CNTN5: variants seen among roughly 807,000 people sequenced by gnomAD.
CNTN5 encodes the protein contactin-5.
CNTN5 carries 77 observed loss-of-function variants against 129.1 expected under a neutral mutation model. That is an observed-to-expected ratio of 0.60 (90% confidence interval 0.50 to 0.72). CNTN5 has a LOEUF of 0.72. Among genes scored for constraint, CNTN5 ranks in the 30% least tolerant of loss-of-function variants. CNTN5 has a pLI of 0.00. For missense variants in CNTN5, 1,478 were observed against 1,328.8 expected (o/e 1.11, Z -1.75); for synonymous variants, 509 against 465.6 (o/e 1.09, Z -1.20).
chr11:99,432,744 T>A (rs150458681), intron 2 of CNTN5, among the ~76,000 whole-genome samples: 33 of 151,948 alleles, frequency 2.2e-4, no homozygotes, highest in African/African-American at 8.0e-4. Flanking sequence ...GAGAGATGTG[T>A]CTGTAAAATT....
chr11:99,978,761 G>T (rs1048954253), intron 8 of CNTN5, among the ~76,000 whole-genome samples: 1 of 152,154 alleles, frequency 6.6e-6, no homozygotes, highest in African/African-American at 2.4e-5. Context: ...TCATCACTAA[G>T]TGACGCATGA....
chr11:99,452,747 A>T (rs1409181294), intron 2 of CNTN5, among the ~76,000 whole-genome samples: 1 of 152,134 alleles, frequency 6.6e-6, no homozygotes, highest in Non-Finnish European at 1.5e-5. Context: ...CTATGTACGA[A>T]TAAGTCATTT....
chr11:99,713,241 G>C (rs1162324779), intron 3 of CNTN5, among the ~76,000 whole-genome samples: 1 of 151,962 alleles, frequency 6.6e-6, no homozygotes, highest in Non-Finnish European at 1.5e-5. Flanking sequence ...TATTATCTTT[G>C]TAGCAATTGT....
intron 2 of CNTN5, among the ~76,000 whole-genome samples, chr11:99,498,660 C>G (rs1366171456): frequency 3.9e-5 from 6 of 152,112 alleles, no homozygotes; most frequent in African/African-American, 1.4e-4. Context: ...TCTGTGGAAG[C>G]CAACCATTAT....
At chr11:99,283,367 G>A (rs1205133019) in intron 1 of CNTN5, among the ~76,000 whole-genome samples, 5 of 151,966 alleles carry the variant, frequency 3.3e-5, no homozygotes, top group Admixed American at 1.3e-4. Flanking sequence ...CGTCAGTGTT[G>A]TTTCTCTCTG....
At chr11:99,085,784 T>C (rs1865980864) in intron 1 of CNTN5, among the ~76,000 whole-genome samples, 1 of 152,196 alleles carries the variant, frequency 6.6e-6, no homozygotes, top group South Asian at 2.1e-4. Context: ...ATGGGCCTCA[T>C]ACATATAGGA....
At chr11:99,166,806 A>G (rs765218397) in intron 1 of CNTN5, among the ~76,000 whole-genome samples, 22 of 148,358 alleles carry the variant, frequency 1.5e-4, no homozygotes, top group Non-Finnish European at 2.7e-4. Context: ...GGTCATGGTG[A>G]CCCGTAAGCC....
At chr11:99,117,709 C>A (rs1858108782) in intron 1 of CNTN5, among the ~76,000 whole-genome samples, 1 of 152,082 alleles carries the variant, frequency 6.6e-6, no homozygotes, top group Admixed American at 6.6e-5. Context: ...GTAGGGCTCC[C>A]ATGATGGGAG....
intron 2 of CNTN5, among the ~76,000 whole-genome samples, chr11:99,521,595 T>A (rs965981340): frequency 1.3e-5 from 2 of 152,192 alleles, no homozygotes; most frequent in Non-Finnish European, 2.9e-5. Flanking sequence ...AAGGACACTT[T>A]GTAAATAAAG....
chr11:100,169,825 A>C (rs904065786), intron 13 of CNTN5, among the ~76,000 whole-genome samples: 3 of 151,958 alleles, frequency 2.0e-5, no homozygotes, highest in African/African-American at 7.2e-5. Flanking sequence ...CATTAATACA[A>C]ATGTCTATGC....
chr11:100,351,188 A>G (rs951473708), intron 24 of CNTN5, among the ~76,000 whole-genome samples: 14 of 151,554 alleles, frequency 9.2e-5, no homozygotes, highest in Admixed American at 8.6e-4. Flanking sequence ...CTGATATTAC[A>G]CTGGTTTTGA....
chr11:99,159,398 G>A (rs1591291919), intron 1 of CNTN5, among the ~76,000 whole-genome samples: 1 of 152,152 alleles, frequency 6.6e-6, no homozygotes, highest in East Asian at 1.9e-4. Flanking sequence ...TGAGGCGGAA[G>A]GATCACGAGG....
intron 21 of CNTN5, among the ~76,000 whole-genome samples, chr11:100,316,298 G>A (rs1951570963): frequency 6.6e-6 from 1 of 152,094 alleles, no homozygotes; most frequent in South Asian, 2.1e-4. Flanking sequence ...CACTCATCAA[G>A]CATTTATTCA....
intron 1 of CNTN5, among the ~76,000 whole-genome samples, chr11:99,268,838 T>C (rs996379940): frequency 2.0e-5 from 3 of 151,974 alleles, no homozygotes; most frequent in Non-Finnish European, 4.4e-5. Context: ...AGAAAGGCCA[T>C]GGTATTTAGA....
At chr11:100,329,462 T>C (rs573930446) in intron 21 of CNTN5, among the ~76,000 whole-genome samples, 1 of 152,336 alleles carries the variant, frequency 6.6e-6, no homozygotes, top group Non-Finnish European at 1.5e-5. Context: ...ATCCTCCCTA[T>C]AGGACTGCAG....
At chr11:100,085,640 AT>A (rs1167478423) in intron 13 of CNTN5, among the ~76,000 whole-genome samples, 1 of 152,058 alleles carries the variant, frequency 6.6e-6, no homozygotes, top group African/African-American at 2.4e-5. Flanking sequence ...AGCATTGGGT[AT>A]TTTTATATTG....
chr11:99,162,817 T>C (rs1291633796), intron 1 of CNTN5, among the ~76,000 whole-genome samples: 2 of 152,198 alleles, frequency 1.3e-5, no homozygotes, highest in East Asian at 3.9e-4. Context: ...TGATACTGTA[T>C]AAATAAATGA....
At chr11:100,198,647 G>A (rs1483539558) in intron 15 of CNTN5, among the ~76,000 whole-genome samples, 1 of 151,890 alleles carries the variant, frequency 6.6e-6, no homozygotes, top group Non-Finnish European at 1.5e-5. Context: ...GTCTCTTTCA[G>A]TATCACTAGT....
intron 7 of CNTN5, among the ~76,000 whole-genome samples, chr11:99,919,994 A>ACATACCACAGACG (rs1451667547): frequency 7.9e-5 from 12 of 151,978 alleles, no homozygotes; most frequent in African/African-American, 2.9e-4. Context: ...TCTGCAATCT[A>ACATACCACAGACG]TGTATGTGCA....
Sources: allele counts gnomAD v4.1 joint callset (sites outside exome capture counted in the v4.1 genomes callset), GRCh38; gene constraint gnomAD v4.1.1; transcripts MANE v1.5; gene names NCBI Gene and HGNC (gene_info 2026-07-23, HGNC 2026-07-21).